Variants in ZFHX3 observed in about 807,000 individuals in gnomAD.
ZFHX3 encodes zinc finger homeobox protein 3.
ZFHX3 carries 42 observed loss-of-function variants against 279.1 expected under a neutral mutation model. That is an observed-to-expected ratio of 0.15 (90% confidence interval 0.12 to 0.19). The LOEUF (loss-of-function observed/expected upper bound fraction) is 0.19, where lower values mean the gene tolerates loss of function less well. Among genes scored for constraint, ZFHX3 ranks in the 10% least tolerant of loss-of-function variants. ZFHX3 has a pLI of 1.00. For synonymous variants in ZFHX3, 2,293 were observed against 1,957.8 expected (o/e 1.17, Z -4.52); for missense variants, 4,981 against 4,754.0 (o/e 1.05, Z -1.40).
chr16:73,750,748 G>A (rs1296534921), intron 1 of ZFHX3, among the ~76,000 whole-genome samples: 1 of 152,166 alleles, frequency 6.6e-6, no homozygotes, highest in Non-Finnish European at 1.5e-5. Context: ...GGCTAAGAGA[G>A]TCTGTCTCTG....
At chr16:73,340,800 G>A (rs2016017474) in intron 3 of ZFHX3, among the ~76,000 whole-genome samples, 1 of 152,134 alleles carries the variant, frequency 6.6e-6, no homozygotes, top group South Asian at 2.1e-4. Flanking sequence ...AGAGCTACAT[G>A]AATAAATGAA....
At chr16:72,921,276 G>C (rs973385824) in intron 3 of ZFHX3, among the ~76,000 whole-genome samples, 3 of 152,142 alleles carry the variant, frequency 2.0e-5, no homozygotes, top group Non-Finnish European at 4.4e-5. Context: ...GCTTCTAGGA[G>C]ATGCAGCTTC....
At chr16:73,451,674 G>T (rs575715040) in intron 3 of ZFHX3, among the ~76,000 whole-genome samples, 1 of 152,084 alleles carries the variant, frequency 6.6e-6, no homozygotes, top group East Asian at 1.9e-4. Flanking sequence ...TACTCTCTGA[G>T]TAAGATTTTT....
In ZFHX3 at chr16:72,788,799, A is replaced by C; in HGVS notation, c.9477T>G (p.Val3159=). The C allele has an allele frequency of 6.5e-7, 1 of 1,543,972 alleles. No homozygotes were observed. The highest frequency in any genetic ancestry group is 8.7e-7 in the Non-Finnish European group (1 of 1,148,488). ...PNLMGLPSTT[V]PSPGLPTSGL... is the part of the protein sequence containing the mutation. ...CAGAAGTGGGGAGGCCAGGGGAAGG[A>C]ACAGTTGTGCTGGGCAGACCCATCA... The change falls in exon 10 of 10, where the codon GTT becomes GTG. Residue 3159 remains valine, a synonymous_variant. Transcript: ENST00000268489.
intron 3 of ZFHX3, among the ~76,000 whole-genome samples, chr16:73,377,067 C>T (rs2016735711): frequency 6.6e-6 from 1 of 150,876 alleles, no homozygotes; most frequent in African/African-American, 2.4e-5. Flanking sequence ...CACCCCTCAT[C>T]TTCAAGTGAT....
Position 73,108,936 on chromosome 16 carries a change from C to T in ZFHX3, c.-896-15338G>A, listed in dbSNP as rs531128981. On this transcript the variant is annotated intron_variant, in intron 7 of 17. Transcript: ENST00000641206. ...TGGAAACAGCAGCCCTTGTTGGGGG[C>T]GTTTGCCAGCGATTTGGTGGTGCAG... is the stretch of plus-strand genomic sequence containing the variant. Among the ~76,000 whole-genome samples, 3 of 152,330 alleles carry T rather than the reference C, an allele frequency of 2.0e-5. No homozygotes were observed. The South Asian group carries it at 6.2e-4, about 32-fold the overall frequency.
At chr16:73,651,804 C>T (rs1292549520) in intron 2 of ZFHX3, among the ~76,000 whole-genome samples, 2 of 145,328 alleles carry the variant, frequency 1.4e-5, no homozygotes, top group Non-Finnish European at 3.0e-5. Flanking sequence ...GCAGTGAGCG[C>T]AGATCACGCC....
chr16:73,003,512 A>ACC (rs142323888), intron 1 of ZFHX3, among the ~76,000 whole-genome samples: 18,232 of 119,896 alleles, frequency 0.15, 1,702 homozygotes, highest in African/African-American at 0.25. Context: ...ACATGGTGAG[A>ACC]CCCCCCCCTC....
Position 72,852,111 on chromosome 16 carries a change from GA to G in ZFHX3, c.3449-22253del, listed in dbSNP as rs574225143. On this transcript the variant is annotated intron_variant, in intron 4 of 9. Coordinates refer to ENST00000268489, the MANE Select transcript of ZFHX3 (RefSeq NM_006885.4). ...CAGAAATTGTCTAAAACAAAATATAGAAACAAAACAGAAGCTTAGTTGATAC... is the reference window on the plus strand; with the variant it reads ...CAGAAATTGTCTAAAACAAAATATAGAACAAAACAGAAGCTTAGTTGATAC... Among the ~76,000 whole-genome samples the G allele has an allele frequency of 3.1e-3, 468 of 152,212 alleles. 1 individual carries two copies. Among genetic ancestry groups the G allele is most frequent in the Non-Finnish European group, 4.7e-3 (320 of 67,978 alleles).
chr16:73,284,505 G>A lies in ZFHX3; in HGVS notation c.-1193-27369C>T, dbSNP rs370815048. On this transcript the variant is annotated intron_variant, in intron 4 of 17. Coordinates refer to the ZFHX3 transcript ENST00000641206. Reference sequence around the variant, plus strand: ...AAAATGGACTCATATTGAATATGTAGCACTTTGCAGCCATCAGTAAGTAAT... The same window carrying A: ...AAAATGGACTCATATTGAATATGTAACACTTTGCAGCCATCAGTAAGTAAT... Among the ~76,000 whole-genome samples the A allele has an allele frequency of 8.5e-5, 13 of 152,122 alleles. No homozygotes were observed. In the East Asian group the frequency reaches 2.3e-3, roughly 27 times the overall value.
intron 5 of ZFHX3, among the ~76,000 whole-genome samples, chr16:73,191,765 G>A (rs1968041594): frequency 6.6e-6 from 1 of 152,068 alleles, no homozygotes; most frequent in African/African-American, 2.4e-5. Flanking sequence ...ATTCCCTGTG[G>A]TCTGGGGTCA....
chr16:73,849,782 G>C (rs1961548585), intron 1 of ZFHX3, among the ~76,000 whole-genome samples: 1 of 152,340 alleles, frequency 6.6e-6, no homozygotes, highest in South Asian at 2.1e-4. Flanking sequence ...GCCCAGGCTA[G>C]AGTACGATGG....
At chr16:73,422,246 T>G (rs1405424045) in intron 3 of ZFHX3, among the ~76,000 whole-genome samples, 3 of 151,852 alleles carry the variant, frequency 2.0e-5, no homozygotes, top group Admixed American at 2.0e-4. Flanking sequence ...GATACTTTCC[T>G]CTGCTCAACC....
At position 73,327,478 on chromosome 16, in the gene ZFHX3, C is replaced by T. The variant is rs1241953053; in HGVS notation, c.-1290-9142G>A. Among the ~76,000 whole-genome samples, 5 of 152,156 alleles carry T rather than the reference C, an allele frequency of 3.3e-5. No individual in the cohort carries two copies. The South Asian group carries it at 1.0e-3, about 32-fold the overall frequency. ...CCTGCCATATTGAAAACATGGATGA[C>T]CAATGGTTGGATGAAAGCACAGTCT... On this transcript the variant is annotated intron_variant, in intron 3 of 17. Transcript: ENST00000641206.
chr16:73,558,709 CTTTTTTTTTTT>C (rs989644068), intron 2 of ZFHX3, among the ~76,000 whole-genome samples: 2 of 90,478 alleles, frequency 2.2e-5, no homozygotes, highest in Non-Finnish European at 4.3e-5. Flanking sequence ...GAAAATGACT[CTTTTTTTTTTT>C]TTTTTTTTTT....
chr16:72,899,327 A>C (rs2038976066), intron 3 of ZFHX3, among the ~76,000 whole-genome samples: 1 of 151,884 alleles, frequency 6.6e-6, no homozygotes, highest in Admixed American at 6.6e-5. Flanking sequence ...TTCTCATGAG[A>C]TCTGATGGTT....
chr16:73,617,305 T>C (rs960786888), intron 2 of ZFHX3, among the ~76,000 whole-genome samples: 1 of 152,088 alleles, frequency 6.6e-6, no homozygotes, highest in African/African-American at 2.4e-5. Flanking sequence ...GTGAGGGAAA[T>C]AGAAAAGGGC....
At chr16:73,771,572 C>T (rs528290615) in intron 1 of ZFHX3, among the ~76,000 whole-genome samples, 129 of 152,246 alleles carry the variant, frequency 8.5e-4, no homozygotes, top group African/African-American at 2.9e-3. Flanking sequence ...TGCACACATG[C>T]GCCACAGCCA....
chr16:72,846,133 G>A (rs2037474180), intron 4 of ZFHX3, among the ~76,000 whole-genome samples: 2 of 152,248 alleles, frequency 1.3e-5, no homozygotes, highest in Non-Finnish European at 2.9e-5. Context: ...AAGGAGTGGG[G>A]AGAGTAAAAC....
Sources: allele counts gnomAD v4.1 joint callset (sites outside exome capture counted in the v4.1 genomes callset), GRCh38; gene constraint gnomAD v4.1.1; transcripts MANE v1.5; gene names NCBI Gene and HGNC (gene_info 2026-07-23, HGNC 2026-07-21).